TENM3: variants seen among roughly 807,000 people sequenced by gnomAD.
TENM3 encodes the protein teneurin transmembrane protein 3.
In TENM3, 63 loss-of-function variants were observed where a neutral mutation model predicts 255.1. The observed-to-expected ratio is 0.25, with a 90% CI of 0.20 to 0.30. The LOEUF (loss-of-function observed/expected upper bound fraction) is 0.30. Ranked by LOEUF, TENM3 falls within the 10% of genes least tolerant of loss-of-function variation. The pLI, the probability that TENM3 is intolerant of heterozygous loss-of-function variation, is 1.00. For missense variants in TENM3, 2,929 were observed against 3,461.1 expected, an observed-to-expected ratio of 0.85 and a Z score of 3.86; for synonymous variants, 1,306 against 1,322.3, an observed-to-expected ratio of 0.99 and a Z score of 0.27.
the TENM3 span, among the ~76,000 whole-genome samples, chr4:181,610,887 A>T: frequency 6.6e-6 from 1 of 152,188 alleles, no homozygotes; most frequent in Non-Finnish European, 1.5e-5. Flanking sequence ...ATTGCAAAAC[A>T]TCTGTTCCTA....
chr4:182,612,237 G>A (rs551225041), intron 4 of TENM3, among the ~76,000 whole-genome samples: 10 of 146,874 alleles, frequency 6.8e-5, no homozygotes, highest in Non-Finnish European at 1.2e-4. Flanking sequence ...GCACCACTGC[G>A]CTCCAGCCTA....
At chr4:182,653,679 T>G in intron 5 of TENM3, 92 bp from the exon 6 acceptor site, 1 of 1,385,236 alleles carries the variant, frequency 7.2e-7, no homozygotes, top group South Asian at 1.6e-5. Flanking sequence ...AATTGTAACT[T>G]TACATATGAC....
chr4:181,787,054 A>G, the TENM3 span, among the ~76,000 whole-genome samples: 1 of 152,102 alleles, frequency 6.6e-6, no homozygotes, highest in Non-Finnish European at 1.5e-5. Context: ...AACCCTAAGC[A>G]CCTCACTGCC....
the TENM3 span, among the ~76,000 whole-genome samples, chr4:181,822,940 A>T: frequency 6.6e-6 from 1 of 152,192 alleles, no homozygotes. Flanking sequence ...AGCTTTAATT[A>T]AGAGTGGACA....
At chr4:181,529,281 G>A in the TENM3 span, among the ~76,000 whole-genome samples, 4 of 152,098 alleles carry the variant, frequency 2.6e-5, no homozygotes, top group Admixed American at 6.5e-5. Flanking sequence ...TACAGACAAG[G>A]AAAAAGGGTC....
At chr4:182,640,559 C>T (rs1200771887) in intron 5 of TENM3, among the ~76,000 whole-genome samples, 2 of 151,948 alleles carry the variant, frequency 1.3e-5, no homozygotes, top group Non-Finnish European at 2.9e-5. Context: ...TTTTAGATGC[C>T]TTTTTTTACT....
At chr4:182,644,345 C>A (rs1752557816) in intron 5 of TENM3, among the ~76,000 whole-genome samples, 1 of 152,166 alleles carries the variant, frequency 6.6e-6, no homozygotes, top group Non-Finnish European at 1.5e-5. Context: ...CTTTTTCTCT[C>A]AACATGGAGC....
At position 182,273,860 on chromosome 4, in the gene TENM3, A is replaced by G. The variant is rs548050703; in HGVS notation, c.-76+30384A>G. Among the ~76,000 whole-genome samples the G allele has an allele frequency of 3.3e-5, 5 of 152,332 alleles. No homozygotes were observed. In the South Asian group the frequency reaches 1.0e-3, roughly 32 times the overall value. Reference sequence around the variant, plus strand: ...AGCTTTACAAAAATATTTTGGTTTAAATTTAATGAAGGAGCTTTGTATTCT... The same window carrying G: ...AGCTTTACAAAAATATTTTGGTTTAGATTTAATGAAGGAGCTTTGTATTCT... On this transcript the variant is annotated intron_variant, in intron 1 of 27. Transcript: ENST00000511685.
At chr4:181,678,858 G>T in the TENM3 span, among the ~76,000 whole-genome samples, 1 of 141,936 alleles carries the variant, frequency 7.0e-6, no homozygotes, top group Non-Finnish European at 1.6e-5. Context: ...AAAAAAAACA[G>T]AGAAAACATG....
At chr4:181,648,061 C>A in the TENM3 span, among the ~76,000 whole-genome samples, 1 of 152,090 alleles carries the variant, frequency 6.6e-6, no homozygotes, top group African/African-American at 2.4e-5. Context: ...GAAATTTCCC[C>A]CTGTAGTCCC....
chr4:181,857,531 A>C, the TENM3 span, among the ~76,000 whole-genome samples: 813 of 144,910 alleles, frequency 5.6e-3, 10 homozygotes, highest in African/African-American at 0.02. Flanking sequence ...CCTAGCCAAC[A>C]TAGTGAAACC....
At chr4:182,186,302 C>T (rs1268198180) in intron 1 of TENM3, among the ~76,000 whole-genome samples, 2 of 151,754 alleles carry the variant, frequency 1.3e-5, no homozygotes, top group Non-Finnish European at 2.9e-5. Context: ...GTTGATGGGG[C>T]CAAGAGATGA....
chr4:181,881,421 A>G, the TENM3 span, among the ~76,000 whole-genome samples: 1 of 152,124 alleles, frequency 6.6e-6, no homozygotes, highest in Non-Finnish European at 1.5e-5. Flanking sequence ...CAAAATGAAC[A>G]TGAATATATT....
At chr4:182,230,558 G>A (rs1756491659) in intron 1 of TENM3, among the ~76,000 whole-genome samples, 1 of 151,800 alleles carries the variant, frequency 6.6e-6, no homozygotes, top group Admixed American at 6.6e-5. Flanking sequence ...TGCTGTCACA[G>A]CGCTGGCGTT....
the TENM3 span, among the ~76,000 whole-genome samples, chr4:181,872,984 T>G: frequency 6.6e-6 from 1 of 152,314 alleles, no homozygotes; most frequent in Middle Eastern, 3.4e-3. Flanking sequence ...TTTCATTTTC[T>G]TACTTTGATT....
chr4:182,158,688 C>T (rs1192830241), intron 1 of TENM3, among the ~76,000 whole-genome samples: 1 of 152,176 alleles, frequency 6.6e-6, no homozygotes, highest in Non-Finnish European at 1.5e-5. Flanking sequence ...TTGCCCATCC[C>T]TGTCTGCTTA....
At chr4:181,595,494 T>G in the TENM3 span, among the ~76,000 whole-genome samples, 3 of 151,342 alleles carry the variant, frequency 2.0e-5, no homozygotes, top group African/African-American at 4.9e-5. Context: ...TCACCGTTAT[T>G]CAAAGCTTTG....
chr4:182,081,227 G>T, the TENM3 span, among the ~76,000 whole-genome samples: 1 of 152,090 alleles, frequency 6.6e-6, no homozygotes, highest in African/African-American at 2.4e-5. Flanking sequence ...TTGAATAGGT[G>T]CCAAGAAGTT....
At chr4:182,546,286 A>G (rs938041174) in intron 3 of TENM3, among the ~76,000 whole-genome samples, 4 of 152,148 alleles carry the variant, frequency 2.6e-5, no homozygotes, top group Non-Finnish European at 5.9e-5. Context: ...TTACTTTGTT[A>G]TTTGTTTCCT....
Sources: gnomAD v4.1 joint callset for allele counts (sites outside exome capture counted in the v4.1 genomes callset) on GRCh38, gnomAD v4.1.1 for gene constraint, MANE v1.5 for transcripts, NCBI Gene and HGNC (gene_info 2026-07-23, HGNC 2026-07-21) for gene names.